The following TET1 variants were observed in gnomAD, a reference collection of about 807,000 sequenced individuals.
TET1 encodes tet methylcytosine dioxygenase 1.
TET1 carries 13 observed loss-of-function variants against 148.7 expected under a neutral mutation model. The ratio of observed to expected loss-of-function variants is 0.09; its 90% confidence interval spans 0.06 to 0.14. The LOEUF (loss-of-function observed/expected upper bound fraction) is 0.14. Ranked by LOEUF, TET1 falls within the 10% of genes least tolerant of loss-of-function variation. The pLI, the probability that TET1 is intolerant of heterozygous loss-of-function variation, is 1.00. For synonymous variants in TET1, 907 were observed against 937.2 expected (o/e 0.97, Z 0.59); for missense variants, 2,182 against 2,553.8 (o/e 0.85, Z 3.14).
chr10:68,639,079 A>T (rs1202141181), intron 3 of TET1, among the ~76,000 whole-genome samples: 1 of 152,132 alleles, frequency 6.6e-6, no homozygotes, highest in Non-Finnish European at 1.5e-5. Context: ...ACTAATAAAA[A>T]AGTTCAAGGG....
Position 68,694,025 on chromosome 10 carries a change from A to G in TET1, c.*2211A>G. The G allele has an allele frequency of 4.3e-6, 1 of 231,230 alleles. No individual in the cohort carries two copies. The highest frequency in any genetic ancestry group is 8.6e-6 in the Non-Finnish European group (1 of 116,810). The allele number at this position is 231,230 out of a possible 1,614,324, so 14.3% of individuals were successfully genotyped here. Reference sequence around the variant, plus strand: ...AACTACCCTCAGAAATATTTTTAAAAGAAGTAGCAAATTATCTTCAGTATA... The same window carrying G: ...AACTACCCTCAGAAATATTTTTAAAGGAAGTAGCAAATTATCTTCAGTATA... On this transcript the variant is annotated 3_prime_UTR_variant, in exon 12 of 12. Transcript: ENST00000373644.
chr10:68,639,462 AC>A (rs1164518158), intron 3 of TET1, among the ~76,000 whole-genome samples: 709 of 51,792 alleles, frequency 0.014, 4 homozygotes, highest in African/African-American at 0.024. Flanking sequence ...TACTACTACT[AC>A]TACTATTATT....
At chr10:68,622,354 T>G (rs1168694997) in intron 3 of TET1, among the ~76,000 whole-genome samples, 4 of 151,418 alleles carry the variant, frequency 2.6e-5, no homozygotes, top group Non-Finnish European at 4.4e-5. Flanking sequence ...AGTCTCTACC[T>G]CCCAGGTTCT....
At chr10:68,606,904 C>A (rs1200759825) in intron 3 of TET1, among the ~76,000 whole-genome samples, 1 of 152,184 alleles carries the variant, frequency 6.6e-6, no homozygotes, top group Non-Finnish European at 1.5e-5. Flanking sequence ...TTTATTCACA[C>A]AATCAAAGAC....
chr10:68,612,576 A>T (rs1054212275), intron 3 of TET1, among the ~76,000 whole-genome samples: 2 of 151,978 alleles, frequency 1.3e-5, no homozygotes, highest in African/African-American at 4.8e-5. Flanking sequence ...AATTTGCTTA[A>T]GTTTTTATTT....
intron 2 of TET1, among the ~76,000 whole-genome samples, chr10:68,585,048 A>C (rs1397670624): frequency 1.3e-5 from 2 of 152,020 alleles, no homozygotes; most frequent in Non-Finnish European, 2.9e-5. Flanking sequence ...ATTGTTGCCC[A>C]GTCTTGAGTG....
chr10:68,569,166 C>CTTTTT lies in TET1; in HGVS notation c.-122-3031_-122-3027dup, dbSNP rs34385747. On this transcript the variant is annotated intron_variant, in intron 1 of 11. Coordinates refer to ENST00000373644, the MANE Select transcript of TET1 (RefSeq NM_030625.3). Reference sequence around the variant, plus strand: ...GCTGGATCTCCAGGCAGGAGAGTTTCTTTTTTTTTTTTTTTTTTTTTTTTG... The same window carrying CTTTTT: ...GCTGGATCTCCAGGCAGGAGAGTTTCTTTTTTTTTTTTTTTTTTTTTTTTTTTTTG... Among the ~76,000 whole-genome samples the CTTTTT allele has an allele frequency of 3.0e-3, 208 of 69,758 alleles. 8 individuals carry two copies. In the East Asian group the frequency reaches 0.032, roughly 11 times the overall value. 45.8% of individuals were successfully genotyped at this position (69,758 alleles called of 152,430 possible). A position where few individuals can be genotyped will look rare whatever the true frequency, so the allele number is the denominator to read the frequency against.
rs558226101 is a variant in TET1, at chr10:68,686,650, C to T, written c.5347C>T (p.Arg1783Trp). 10 of 1,614,090 alleles carry T rather than the reference C, an allele frequency of 6.2e-6. No homozygotes were observed. The highest frequency in any genetic ancestry group is 7.6e-6 in the Non-Finnish European group (9 of 1,180,018). Residue 1783 changes from arginine to tryptophan, a missense_variant, in exon 11 of 12, where the codon CGG (arginine) becomes TGG (tryptophan). By Grantham distance (101) the Arg-to-Trp change is moderately radical (BLOSUM62 -3). Coordinates refer to ENST00000373644, the MANE Select transcript of TET1 (RefSeq NM_030625.3). ...AAAGAAACCTATTCCCCGAATCAAG[C>T]GGAAGAATAACTCAACAACAACAAA... ...VEKKPIPRIK[R>W]KNNSTTTNNS...
intron 8 of TET1, among the ~76,000 whole-genome samples, chr10:68,674,014 T>A (rs35177945): frequency 0.1 from 15,253 of 145,578 alleles, 1,023 homozygotes; most frequent in South Asian, 0.18. Flanking sequence ...CAGGCTGGAG[T>A]ACAAAGGTGT....
intron 11 of TET1, among the ~76,000 whole-genome samples, chr10:68,690,334 G>C (rs1288732416): frequency 6.6e-6 from 1 of 152,148 alleles, no homozygotes. Flanking sequence ...ATGGCCGGGC[G>C]CAGTAGCTCA....
At chr10:68,660,266 A>G (rs1330051526) in intron 6 of TET1, among the ~76,000 whole-genome samples, 9 of 152,094 alleles carry the variant, frequency 5.9e-5, no homozygotes, top group Non-Finnish European at 1.2e-4. Context: ...TATAATTTAC[A>G]GCTTGGATAC....
At chr10:68,593,142 G>A (rs1288390572) in intron 2 of TET1, among the ~76,000 whole-genome samples, 1 of 146,418 alleles carries the variant, frequency 6.8e-6, no homozygotes, top group African/African-American at 2.5e-5. Context: ...TGAGGCAGGA[G>A]AATCGCTTGA....
intron 4 of TET1, among the ~76,000 whole-genome samples, chr10:68,648,691 A>G (rs2054887272): frequency 6.6e-6 from 1 of 152,130 alleles, no homozygotes; most frequent in Admixed American, 6.5e-5. Flanking sequence ...AATAATATTG[A>G]ATTCTTGTCT....
intron 2 of TET1, among the ~76,000 whole-genome samples, chr10:68,596,850 T>C (rs2053994399): frequency 6.6e-6 from 1 of 152,136 alleles, no homozygotes; most frequent in African/African-American, 2.4e-5. Flanking sequence ...GCCTTCGATG[T>C]TTGCTTAGGT....
chr10:68,627,768 A>T (rs185687236), intron 3 of TET1, among the ~76,000 whole-genome samples: 16 of 151,042 alleles, frequency 1.1e-4, no homozygotes, highest in African/African-American at 3.6e-4. Flanking sequence ...TCTACCAAAA[A>T]AATAAAAAAA....
intron 3 of TET1, among the ~76,000 whole-genome samples, chr10:68,630,059 C>A (rs1295546741): frequency 2.6e-5 from 4 of 152,006 alleles, no homozygotes; most frequent in Middle Eastern, 3.2e-3. Context: ...TTTTCTTAAC[C>A]ATTTCTAGAG....
intron 10 of TET1, among the ~76,000 whole-genome samples, chr10:68,683,570 G>A (rs749954446): frequency 1.3e-5 from 2 of 151,306 alleles, no homozygotes; most frequent in African/African-American, 2.4e-5. Flanking sequence ...GAGTCACCAC[G>A]CCCAGCCAAT....
chr10:68,584,804 A>G (rs1219454404), intron 2 of TET1, among the ~76,000 whole-genome samples: 1 of 151,798 alleles, frequency 6.6e-6, no homozygotes, highest in Non-Finnish European at 1.5e-5. Flanking sequence ...ACAACATTGT[A>G]TTAGTTTATT....
At chr10:68,673,935 C>CTTTTTTTTTTTTTTTTTTTTTTT (rs11381293) in intron 8 of TET1, among the ~76,000 whole-genome samples, 7 of 120,284 alleles carry the variant, frequency 5.8e-5, no homozygotes, top group African/African-American at 9.3e-5. Flanking sequence ...CTTTCTTTTT[C>CTTTTTTTTTTTTTTTTTTTTTTT]TTTTTTTTTT....
Sources: allele counts gnomAD v4.1 joint callset (sites outside exome capture counted in the v4.1 genomes callset), GRCh38; gene constraint gnomAD v4.1.1; transcripts MANE v1.5; gene names NCBI Gene and HGNC (gene_info 2026-07-23, HGNC 2026-07-21).